The following VPS13B variants were observed in gnomAD, a reference collection of about 807,000 sequenced individuals.
VPS13B encodes the protein intermembrane lipid transfer protein VPS13B.
In VPS13B, 285 loss-of-function variants were observed where a neutral mutation model predicts 426.4. The observed-to-expected ratio is 0.67, with a 90% CI of 0.61 to 0.74. The LOEUF (loss-of-function observed/expected upper bound fraction) is 0.74, where lower values mean the gene tolerates loss of function less well. Among genes scored for constraint, VPS13B ranks in the 30% least tolerant of loss-of-function variants. The probability of loss-of-function intolerance (pLI) is 0.00; values close to 1 mark genes in which losing one functional copy is unlikely to be tolerated. For missense variants in VPS13B, 4,537 were observed against 4,782.6 expected (o/e 0.95, Z 1.51); for synonymous variants, 1,676 against 1,676.4 (o/e 1.00, Z 0.01).
chr8:99,583,851 G>A lies in VPS13B; in HGVS notation c.5220+6218G>A, dbSNP rs963191222. 4.6e-5 allele frequency among the ~76,000 whole-genome samples: 7 copies of A among 152,098 alleles called. No individual in the cohort carries two copies. The East Asian group carries it at 5.8e-4, about 13-fold the overall frequency. ...TGAGACTGGCATGAAGGAGTATGTC[G>A]ATTTTCTGGTCGGTCTTGCTGCTTA... On this transcript the variant is annotated intron_variant, in intron 33 of 61. Transcript: ENST00000357162.
intron 33 of VPS13B, among the ~76,000 whole-genome samples, chr8:99,609,244 TTTAG>T (rs1377901993): frequency 2.6e-5 from 4 of 152,168 alleles, no homozygotes; most frequent in Non-Finnish European, 4.4e-5. Context: ...AAAATATTTG[TTTAG>T]TTAGTTATGC....
chr8:99,870,564 C>T (rs942296765), intron 59 of VPS13B, among the ~76,000 whole-genome samples: 1 of 152,142 alleles, frequency 6.6e-6, no homozygotes, highest in East Asian at 1.9e-4. Context: ...TATGCTTGGA[C>T]TGTGTAACAC....
chr8:99,693,199 G>A (rs564081899), intron 35 of VPS13B, among the ~76,000 whole-genome samples: 1 of 151,248 alleles, frequency 6.6e-6, no homozygotes, highest in Non-Finnish European at 1.5e-5. Context: ...ATTTTATGAG[G>A]CCAACATCAT....
chr8:99,607,786 G>A (rs1045036507), intron 33 of VPS13B, among the ~76,000 whole-genome samples: 2 of 151,390 alleles, frequency 1.3e-5, no homozygotes, highest in Non-Finnish European at 1.5e-5. Context: ...AATTAAAATG[G>A]GACATTTAAA....
intron 23 of VPS13B, among the ~76,000 whole-genome samples, chr8:99,451,795 T>C (rs1261857155): frequency 2.6e-5 from 4 of 152,190 alleles, no homozygotes; most frequent in African/African-American, 7.2e-5. Flanking sequence ...TATTAAAGAA[T>C]GAAGTAGAGT....
At position 99,135,648 on chromosome 8, in the gene VPS13B, A is replaced by G. The variant is rs1810032647; in HGVS notation, c.1478A>G (p.Tyr493Cys). Reference protein sequence around the residue: ...GDNLSTKGFTYLTNSLFDYRS... With the variant: ...GDNLSTKGFTCLTNSLFDYRS... ...AATTTGAGTACGAAAGGTTTCACATACCTTACAAATTCATTGTTTGATTAC... is the reference window on the plus strand; with the variant it reads ...AATTTGAGTACGAAAGGTTTCACATGCCTTACAAATTCATTGTTTGATTAC... Residue 493 changes from tyrosine (Y) to cysteine (C), a missense_variant, in exon 11 of 62, where the codon TAC becomes TGC. Tyr to Cys is a radical substitution (Grantham distance 194). Around this residue, in one of 2 missense-constraint regions of VPS13B, gnomAD observed 4,311 missense variants for 4,474.3 expected, o/e 0.96. Coordinates refer to ENST00000357162, the MANE Select transcript of VPS13B (RefSeq NM_152564.5). The G allele has an allele frequency of 3.1e-6, 5 of 1,613,468 alleles. No homozygotes were observed. The East Asian group carries it at 1.1e-4, about 36-fold the overall frequency.
rs1832185145 is a variant in VPS13B, at chr8:99,699,582, T to C, written c.6104T>C (p.Leu2035Pro). 3 of 1,614,024 alleles carry C rather than the reference T, an allele frequency of 1.9e-6. No individual in the cohort carries two copies. The highest frequency in any genetic ancestry group is 2.5e-6 in the Non-Finnish European group (3 of 1,180,032). ...AAAGCAAACCTGAGTTTCACCAAACTGGATCAGATAAACCTTTTTTTAAAG... is the reference window on the plus strand; with the variant it reads ...AAAGCAAACCTGAGTTTCACCAAACCGGATCAGATAAACCTTTTTTTAAAG... ...PLKANLSFTK[L>P]DQINLFLKKI... Residue 2035 changes from leucine to proline, a missense_variant, in exon 36 of 62, where the codon CTG becomes CCG. Around this residue, in one of 2 missense-constraint regions of VPS13B, gnomAD observed 4,311 missense variants for 4,474.3 expected, o/e 0.96. Transcript: ENST00000357162.
chr8:99,631,101 T>G (rs1281467440), intron 33 of VPS13B, among the ~76,000 whole-genome samples: 2 of 152,158 alleles, frequency 1.3e-5, no homozygotes, highest in Non-Finnish European at 2.9e-5. Flanking sequence ...TTAGTAGCAA[T>G]TAGAAATACA....
intron 39 of VPS13B, among the ~76,000 whole-genome samples, chr8:99,747,592 A>C (rs1369440148): frequency 3.9e-5 from 6 of 152,088 alleles, no homozygotes; most frequent in Admixed American, 3.9e-4. Flanking sequence ...AAATAGAAAT[A>C]AAAACCTTTA....
intron 51 of VPS13B, 69 bp from the exon 52 acceptor site, chr8:99,832,300 G>A (rs1320833963): frequency 2.1e-6 from 3 of 1,426,728 alleles, no homozygotes; most frequent in Admixed American, 2.6e-5. Flanking sequence ...GCTTTAAAAA[G>A]TTTAATTCTG....
At chr8:99,186,178 T>G (rs1813210645) in intron 16 of VPS13B, among the ~76,000 whole-genome samples, 1 of 152,166 alleles carries the variant, frequency 6.6e-6, no homozygotes, top group African/African-American at 2.4e-5. Flanking sequence ...TATTTTATAT[T>G]CAACAGCTTA....
intron 30 of VPS13B, among the ~76,000 whole-genome samples, chr8:99,555,652 A>T (rs1824520781): frequency 6.6e-6 from 1 of 152,084 alleles, no homozygotes; most frequent in Non-Finnish European, 1.5e-5. Context: ...TGGCTCTCAA[A>T]CTTTGTGCTT....
chr8:99,160,141 C>T (rs987351836), intron 15 of VPS13B, among the ~76,000 whole-genome samples: 2 of 151,930 alleles, frequency 1.3e-5, no homozygotes, highest in Non-Finnish European at 2.9e-5. Context: ...TGGGTATGTC[C>T]ATCTGGTTAT....
intron 12 of VPS13B, among the ~76,000 whole-genome samples, chr8:99,138,271 C>T (rs766778033): frequency 1.3e-5 from 2 of 152,188 alleles, no homozygotes; most frequent in African/African-American, 2.4e-5. Flanking sequence ...GGACTACAGG[C>T]ATGCGCTGCC....
chr8:99,803,640 T>TGAC (rs1414255258), intron 43 of VPS13B, among the ~76,000 whole-genome samples: 11 of 152,232 alleles, frequency 7.2e-5, no homozygotes, highest in African/African-American at 1.2e-4. Context: ...CATTAGTCAT[T>TGAC]ACCTAGAAAT....
intron 19 of VPS13B, among the ~76,000 whole-genome samples, chr8:99,308,012 A>G (rs374293826): frequency 2.0e-5 from 3 of 152,040 alleles, no homozygotes; most frequent in South Asian, 2.1e-4. Context: ...CATTGACCCA[A>G]TGGTCATTCA....
At chr8:99,836,331 T>C (rs1815388465) in intron 54 of VPS13B, among the ~76,000 whole-genome samples, 1 of 152,188 alleles carries the variant, frequency 6.6e-6, no homozygotes, top group South Asian at 2.1e-4. Context: ...TTAAATATAT[T>C]TATAGTGTTG....
At chr8:99,654,760 G>A (rs181334460) in intron 34 of VPS13B, among the ~76,000 whole-genome samples, 131 of 151,988 alleles carry the variant, frequency 8.6e-4, no homozygotes, top group Middle Eastern at 3.4e-3. Context: ...AATAAATGTA[G>A]CATGATAGGA....
chr8:99,343,085 C>T (rs1371158261), intron 19 of VPS13B, among the ~76,000 whole-genome samples: 1 of 151,486 alleles, frequency 6.6e-6, no homozygotes, highest in Non-Finnish European at 1.5e-5. Context: ...GGTTTATTGC[C>T]CATTTTTCTT....
Sources: allele counts gnomAD v4.1 joint callset (sites outside exome capture counted in the v4.1 genomes callset), GRCh38; gene constraint gnomAD v4.1.1; regional missense constraint gnomAD v4.1.1; transcripts MANE v1.5; gene names NCBI Gene and HGNC (gene_info 2026-07-23, HGNC 2026-07-21).